ATM: variants seen among roughly 807,000 people sequenced by gnomAD.
ATM encodes the protein serine-protein kinase ATM.
ATM carries 308 observed loss-of-function variants against 387.0 expected under a neutral mutation model. That is an observed-to-expected ratio of 0.80 (90% CI 0.73 to 0.87). The LOEUF (loss-of-function observed/expected upper bound fraction) is 0.87, where lower values mean the gene tolerates loss of function less well. Among genes scored for constraint, ATM ranks in the 40% least tolerant of loss-of-function variants. The pLI is 0.00. For missense variants in ATM, 3,312 were observed against 3,560.9 expected, an observed-to-expected ratio of 0.93 and a Z score of 1.78; for synonymous variants, 1,156 against 1,187.3, an observed-to-expected ratio of 0.97 and a Z score of 0.54.
intron 40 of ATM, among the ~76,000 whole-genome samples, chr11:108,313,881 A>AT (rs956168582): frequency 1.1e-4 from 17 of 151,950 alleles, no homozygotes; most frequent in Middle Eastern, 3.4e-3. Context: ...TTTCTATTTT[A>AT]TTTTTTTTAT....
intron 5 of ATM, among the ~76,000 whole-genome samples, chr11:108,240,972 A>G (rs2079526543): frequency 6.6e-6 from 1 of 152,208 alleles, no homozygotes; most frequent in African/African-American, 2.4e-5. Flanking sequence ...CAGCTGTACA[A>G]AAATATTTTT....
chr11:108,252,062 T>G, intron 11 of ATM, 31 bp downstream of exon 11: 1 of 1,595,768 alleles, frequency 6.3e-7, no homozygotes, highest in African/African-American at 1.3e-5. Flanking sequence ...TGCTGCTGTT[T>G]TTTTTGTTTG....
intron 40 of ATM, among the ~76,000 whole-genome samples, chr11:108,314,296 G>A (rs608086): frequency 0.54 from 81,526 of 151,760 alleles, 22,479 homozygotes; most frequent in Middle Eastern, 0.74. Context: ...TTGTAGAGAT[G>A]GGTTTAGCCA....
intron 18 of ATM, among the ~76,000 whole-genome samples, chr11:108,269,079 C>T (rs1328175033): frequency 6.6e-6 from 1 of 152,212 alleles, no homozygotes; most frequent in African/African-American, 2.4e-5. Context: ...CGCAGATACA[C>T]ACATCATTTT....
chr11:108,343,101 A>G (rs1297955650), intron 56 of ATM, 121 bp from the exon 57 acceptor site: 2 of 1,273,488 alleles, frequency 1.6e-6, no homozygotes, highest in Non-Finnish European at 2.3e-6. Flanking sequence ...TCTTCTATGG[A>G]CAGAGAAATA....
chr11:108,254,143 G>A (rs2080325711), intron 13 of ATM, 104 bp downstream of exon 13: 3 of 1,130,510 alleles, frequency 2.7e-6, no homozygotes, highest in African/African-American at 1.6e-5. Flanking sequence ...ATGGTGGGAG[G>A]CTTCATTTTA....
chr11:108,331,702 C>A, intron 51 of ATM, 145 bp downstream of exon 51: 1 of 1,318,080 alleles, frequency 7.6e-7, no homozygotes, highest in East Asian at 2.5e-5. Flanking sequence ...ATAAGTTACT[C>A]ATTTTCTCTC....
chr11:108,266,032 G>A (rs990640285), intron 16 of ATM, among the ~76,000 whole-genome samples: 5 of 151,996 alleles, frequency 3.3e-5, no homozygotes. Flanking sequence ...TTACACTGTT[G>A]GTGGGACTGT....
chr11:108,313,958 C>A (rs952663006), intron 40 of ATM, among the ~76,000 whole-genome samples: 1 of 152,026 alleles, frequency 6.6e-6, no homozygotes, highest in Non-Finnish European at 1.5e-5. Context: ...AATTTTACAA[C>A]AAAGATTTCA....
At chr11:108,358,850 T>C (rs1452875320) in intron 61 of ATM, among the ~76,000 whole-genome samples, 20 of 150,318 alleles carry the variant, frequency 1.3e-4, no homozygotes, top group Admixed American at 2.6e-4. Context: ...CATGCCAAAA[T>C]GTAAAGACCA....
chr11:108,334,094 C>A, intron 54 of ATM, 126 bp downstream of exon 54: 1 of 722,724 alleles, frequency 1.4e-6, no homozygotes. Context: ...ATGTTTCAAC[C>A]TATAATTTCT....
chr11:108,255,858 A>T (rs2080442106), intron 13 of ATM, among the ~76,000 whole-genome samples: 1 of 152,120 alleles, frequency 6.6e-6, no homozygotes, highest in Non-Finnish European at 1.5e-5. Context: ...TATGACTGTA[A>T]TTTCTACTTG....
chr11:108,277,821 A>T (rs183910036), intron 22 of ATM, among the ~76,000 whole-genome samples: 2 of 152,256 alleles, frequency 1.3e-5, no homozygotes, highest in East Asian at 3.9e-4. Context: ...AACTGTTCCT[A>T]TGTTGCCATC....
At chr11:108,343,727 C>T (rs555753995) in intron 57 of ATM, among the ~76,000 whole-genome samples, 2 of 152,036 alleles carry the variant, frequency 1.3e-5, no homozygotes, top group Non-Finnish European at 2.9e-5. Flanking sequence ...CTGGGGGATC[C>T]CTTGAACCCA....
rs1057522992 is a variant in ATM, at chr11:108,315,917, T to A, written c.6095+6T>A. The A allele has an allele frequency of 6.2e-7, 1 of 1,610,508 alleles. No individual in the cohort carries two copies. Among genetic ancestry groups the A allele is most frequent in the Non-Finnish European group, 8.5e-7 (1 of 1,176,714 alleles). On this transcript the variant is annotated splice_donor_region_variant and intron_variant, in intron 41 of 62. Transcript: ENST00000675843. ...ATGTTACAACCCATTACTAGGTAAA[T>A]TGCATTTTTCTAAACAACGGTATAG... is the stretch of plus-strand genomic sequence containing the variant.
intron 34 of ATM, among the ~76,000 whole-genome samples, chr11:108,301,273 CA>C (rs2083418198): frequency 1.3e-5 from 2 of 152,072 alleles, no homozygotes; most frequent in South Asian, 4.1e-4. Flanking sequence ...TTTTCTTTAA[CA>C]GGGAAAAACT....
chr11:108,268,105 A>G (rs1340733793), intron 17 of ATM, among the ~76,000 whole-genome samples: 3 of 152,198 alleles, frequency 2.0e-5, no homozygotes, highest in Admixed American at 6.5e-5. Flanking sequence ...CATAAATACC[A>G]TAATTTACTT....
intron 56 of ATM, among the ~76,000 whole-genome samples, chr11:108,337,837 T>C (rs2087021264): frequency 1.3e-5 from 2 of 152,256 alleles, no homozygotes; most frequent in Admixed American, 1.3e-4. Context: ...TACAAAAGTA[T>C]GGGCTATAGG....
At chr11:108,252,500 A>G (rs149901883) in intron 11 of ATM, among the ~76,000 whole-genome samples, 19 of 152,272 alleles carry the variant, frequency 1.2e-4, no homozygotes, top group African/African-American at 4.1e-4. Context: ...GGTAATTGGA[A>G]CCAAATGATT....
Sources: allele counts gnomAD v4.1 joint callset (sites outside exome capture counted in the v4.1 genomes callset), GRCh38; gene constraint gnomAD v4.1.1; transcripts MANE v1.5; gene names NCBI Gene and HGNC (gene_info 2026-07-23, HGNC 2026-07-21).